Variants in CDYL2 observed in about 807,000 individuals in gnomAD.
The protein encoded by CDYL2 is chromodomain Y-like protein 2.
A neutral mutation model predicts 49.4 loss-of-function variants in CDYL2; 23 were observed. That is an observed-to-expected ratio of 0.47 (90% CI 0.34 to 0.66). The LOEUF (loss-of-function observed/expected upper bound fraction) is 0.66. CDYL2 is among the 30% of genes least tolerant of loss of function. CDYL2 has a pLI of 0.01. For missense variants in CDYL2, 678 were observed against 656.4 expected (o/e 1.03, Z -0.36); for synonymous variants, 360 against 268.8 (o/e 1.34, Z -3.32).
At chr16:80,773,919 G>C (rs1004592039) in intron 1 of CDYL2, among the ~76,000 whole-genome samples, 6 of 152,086 alleles carry the variant, frequency 3.9e-5, no homozygotes, top group African/African-American at 1.4e-4. Flanking sequence ...ATAAAGATAA[G>C]AGCCTCAGTT....
At chr16:80,736,286 A>C (rs1905525804) in intron 1 of CDYL2, 1 of 152,272 alleles carries the variant, frequency 6.6e-6, no homozygotes, top group South Asian at 2.1e-4. Flanking sequence ...TAACGGCAAA[A>C]CACGATACGT....
chr16:80,802,827 G>C (rs1907966801), intron 1 of CDYL2, among the ~76,000 whole-genome samples: 1 of 152,222 alleles, frequency 6.6e-6, no homozygotes, highest in East Asian at 1.9e-4. Flanking sequence ...CTAGAGGAAA[G>C]AGCTTCTTAG....
At chr16:80,699,664 A>G (rs982832327) in intron 1 of CDYL2, among the ~76,000 whole-genome samples, 2 of 152,356 alleles carry the variant, frequency 1.3e-5, no homozygotes, top group East Asian at 3.9e-4. Flanking sequence ...AGAAAAGAGG[A>G]TTTTTACTAT....
chr16:80,728,529 T>C (rs1905235038), intron 1 of CDYL2, among the ~76,000 whole-genome samples: 3 of 152,184 alleles, frequency 2.0e-5, no homozygotes, highest in Non-Finnish European at 2.9e-5. Context: ...CTCTGCAGGA[T>C]ATCATCCAGG....
intron 3 of CDYL2, chr16:80,632,636 A>G (rs1274834835): frequency 4.1e-6 from 1 of 245,656 alleles, no homozygotes; most frequent in African/African-American, 2.2e-5. Flanking sequence ...ACTGAGTGAG[A>G]TACATTAACT....
In CDYL2 at chr16:80,786,649, A is replaced by T. The variant is rs1313725741; in HGVS notation, c.24+17501T>A. Among the ~76,000 whole-genome samples the T allele has an allele frequency of 3.9e-5, 6 of 152,306 alleles. No individual in the cohort carries two copies. The East Asian group carries it at 1.2e-3, about 29-fold the overall frequency. ...AAAGGATTATAAATCATTCTACAAT[A>T]GCAAAGACTTGGAACCAACCCAAAT... On this transcript the variant is annotated intron_variant, in intron 1 of 6. Transcript: ENST00000570137.
At chr16:80,634,717 T>G (rs1907738520) in intron 2 of CDYL2, among the ~76,000 whole-genome samples, 1 of 152,106 alleles carries the variant, frequency 6.6e-6, no homozygotes, top group African/African-American at 2.4e-5. Context: ...TTTGATAACT[T>G]AGATGAAATT....
intron 1 of CDYL2, among the ~76,000 whole-genome samples, chr16:80,701,664 C>T (rs1904301554): frequency 6.6e-6 from 1 of 152,246 alleles, no homozygotes; most frequent in East Asian, 1.9e-4. Context: ...ATGAATGGAG[C>T]TGTATGTACC....
In CDYL2 at chr16:80,604,153, G is replaced by GGACA. The variant is rs1368479736; in HGVS notation, c.*231_*234dup. On this transcript the variant is annotated 3_prime_UTR_variant, in exon 7 of 7. Transcript: ENST00000570137. ...CGGAGCCCTGGGAAGATACAGCCTT[G>GGACA]GACAGCTCTCTGGCCAGGAAGGGCA... 5 of 567,668 alleles carry GGACA rather than the reference G, an allele frequency of 8.8e-6. No homozygotes were observed. The African/African-American group carries it at 9.4e-5, about 11-fold the overall frequency. 35.2% of individuals were successfully genotyped at this position (567,668 alleles called of 1,614,324 possible).
chr16:80,652,782 A>G (rs1054360834), intron 2 of CDYL2, among the ~76,000 whole-genome samples: 1 of 152,180 alleles, frequency 6.6e-6, no homozygotes, highest in Non-Finnish European at 1.5e-5. Context: ...AAAAACTCAC[A>G]ACACCACTCT....
At chr16:80,631,974 G>C (rs1597135802) in intron 3 of CDYL2, among the ~76,000 whole-genome samples, 1 of 152,154 alleles carries the variant, frequency 6.6e-6, no homozygotes, top group Non-Finnish European at 1.5e-5. Flanking sequence ...GTGGAAAACA[G>C]TTTTTGCAGT....
intron 1 of CDYL2, among the ~76,000 whole-genome samples, chr16:80,711,449 G>A (rs1259715638): frequency 6.6e-5 from 10 of 152,126 alleles, no homozygotes; most frequent in South Asian, 2.1e-4. Context: ...TTAACAGAGC[G>A]TCCTGTTTTT....
At chr16:80,804,034 G>C in intron 1 of CDYL2, 116 bp downstream of exon 1, 1 of 752,380 alleles carries the variant, frequency 1.3e-6, no homozygotes, top group Non-Finnish European at 1.6e-6. Flanking sequence ...GCCGCCGCGG[G>C]CTCGGCAACT....
intron 1 of CDYL2, among the ~76,000 whole-genome samples, chr16:80,772,471 G>A (rs1419991479): frequency 6.6e-6 from 1 of 152,080 alleles, no homozygotes; most frequent in Non-Finnish European, 1.5e-5. Context: ...TATTTTTTGG[G>A]AGACGGAGTC....
chr16:80,610,541 T>C (rs190043400), intron 5 of CDYL2, among the ~76,000 whole-genome samples: 1 of 152,206 alleles, frequency 6.6e-6, no homozygotes, highest in East Asian at 1.9e-4. Flanking sequence ...AGAAAGGAGA[T>C]TCTTGGGCAG....
chr16:80,779,170 G>T (rs74030430), intron 1 of CDYL2, among the ~76,000 whole-genome samples: 1 of 151,920 alleles, frequency 6.6e-6, no homozygotes, highest in African/African-American at 2.4e-5. Flanking sequence ...ACATTAATCT[G>T]CCATAAATGT....
chr16:80,764,851 G>A (rs1597122335), intron 1 of CDYL2, among the ~76,000 whole-genome samples: 1 of 151,842 alleles, frequency 6.6e-6, no homozygotes, highest in South Asian at 2.1e-4. Context: ...ACGAGGTCAG[G>A]AGATCAAGAC....
At chr16:80,643,184 T>G (rs1323231230) in intron 2 of CDYL2, among the ~76,000 whole-genome samples, 1 of 152,106 alleles carries the variant, frequency 6.6e-6, no homozygotes, top group Non-Finnish European at 1.5e-5. Flanking sequence ...GCCCAGGCAA[T>G]TCCAAAATCC....
chr16:80,713,167 T>C (rs187922018), intron 1 of CDYL2, among the ~76,000 whole-genome samples: 244 of 152,350 alleles, frequency 1.6e-3, no homozygotes, highest in Non-Finnish European at 2.9e-3. Context: ...CCTCTCCTCC[T>C]GCTCATAATG....
Sources: gnomAD v4.1 joint callset for allele counts (sites outside exome capture counted in the v4.1 genomes callset) on GRCh38, gnomAD v4.1.1 for gene constraint, MANE v1.5 for transcripts, NCBI Gene and HGNC (gene_info 2026-07-23, HGNC 2026-07-21) for gene names.